EIF4E1B: variants seen among roughly 807,000 people sequenced by gnomAD.
The protein encoded by EIF4E1B is eukaryotic translation initiation factor 4E type 1B.
A neutral mutation model predicts 31.3 loss-of-function variants in EIF4E1B; 22 were observed. The observed-to-expected ratio is 0.70, with a 90% CI of 0.50 to 1.00. EIF4E1B has a LOEUF of 1.00. EIF4E1B is among the 50% of genes least tolerant of loss of function. The pLI is 0.00. For synonymous variants in EIF4E1B, 126 were observed against 120.2 expected, an observed-to-expected ratio of 1.05 and a Z score of -0.31; for missense variants, 290 against 311.6, an observed-to-expected ratio of 0.93 and a Z score of 0.52.
chr5:176,644,234 A>G (rs1310164578), intron 5 of EIF4E1B, 142 bp from the exon 6 acceptor site: 13 of 793,426 alleles, frequency 1.6e-5, no homozygotes, highest in Non-Finnish European at 2.6e-5. Flanking sequence ...GATAAACGGG[A>G]GTGGAATCCC....
intron 1 of EIF4E1B, among the ~76,000 whole-genome samples, chr5:176,637,568 C>T (rs1382326918): frequency 6.6e-6 from 1 of 152,118 alleles, no homozygotes; most frequent in East Asian, 1.9e-4. Context: ...GGAATTGCTG[C>T]ACTGGGCTGA....
chr5:176,635,398 A>G (rs1280674127), intron 1 of EIF4E1B, among the ~76,000 whole-genome samples: 1 of 152,154 alleles, frequency 6.6e-6, no homozygotes, highest in Non-Finnish European at 1.5e-5. Flanking sequence ...CTCCAGGAGA[A>G]AGTGACATTC....
At chr5:176,634,323 C>T (rs1057285108) in intron 1 of EIF4E1B, among the ~76,000 whole-genome samples, 1 of 152,080 alleles carries the variant, frequency 6.6e-6, no homozygotes, top group Non-Finnish European at 1.5e-5. Context: ...GCACAAATGG[C>T]TCTCCAAGGT....
intron 1 of EIF4E1B, among the ~76,000 whole-genome samples, chr5:176,633,551 C>T (rs928685960): frequency 2.0e-5 from 3 of 152,094 alleles, no homozygotes; most frequent in Admixed American, 2.0e-4. Flanking sequence ...CTCAAATGAT[C>T]CTCCCACCTC....
chr5:176,644,593 A>T, intron 6 of EIF4E1B, 154 bp downstream of exon 6: 1 of 870,564 alleles, frequency 1.1e-6, no homozygotes, highest in Non-Finnish European at 1.7e-6. Flanking sequence ...AATGCTCTAC[A>T]GGAGCCCGGA....
intron 1 of EIF4E1B, among the ~76,000 whole-genome samples, chr5:176,639,948 C>T (rs1257767244): frequency 1.3e-5 from 2 of 152,234 alleles, no homozygotes; most frequent in East Asian, 1.9e-4. Flanking sequence ...AATCTAGATT[C>T]GTGAGCTCTT....
Position 176,645,264 on chromosome 5 carries a change from C to T in EIF4E1B, c.474+21C>T, listed in dbSNP as rs769051803. 1.2e-5 allele frequency: 20 copies of T among 1,604,498 alleles called. No homozygotes were observed. In the African/African-American group the frequency reaches 2.3e-4, roughly 18 times the overall value. On this transcript the variant is annotated intron_variant, in intron 7 of 8. Transcript: ENST00000318682. This position sits in a 1 kb window ranked among gnomAD's most constrained non-coding sequence, Gnocchi z 5.4. ...AGACGGTGAGTTGGAGGAGGAGGGT[C>T]CTCAGGGGAAGAGACGGGCTGTGTG... is the stretch of plus-strand genomic sequence containing the variant.
intron 1 of EIF4E1B, among the ~76,000 whole-genome samples, chr5:176,637,681 G>A (rs761902771): frequency 6.6e-6 from 1 of 152,102 alleles, no homozygotes; most frequent in Non-Finnish European, 1.5e-5. Context: ...GGAGGTGGCT[G>A]GCACATCTGA....
rs777820315 is a variant in EIF4E1B at position 176,643,194 on chromosome 5, T to C, written c.128T>C (p.Leu43Pro). Residue 43 changes from leucine to proline, a missense_variant, in exon 4 of 9, where the codon CTG becomes CCG. Transcript: ENST00000318682. ...TCTCCAAACTCTCCCAGGACTTTGCTGTCTCTGAGAGGGAAGGCCCGGACG... is the reference window on the plus strand; with the variant it reads ...TCTCCAAACTCTCCCAGGACTTTGCCGTCTCTGAGAGGGAAGGCCCGGACG... ...EKSPNSPRTL[L>P]SLRGKARTGG... 6.2e-7 allele frequency: 1 copy of C among 1,613,714 alleles called. No homozygotes were observed. The highest frequency in any genetic ancestry group is 1.7e-5 in the Admixed American group (1 of 60,030).
chr5:176,631,649 C>CA (rs202095726), intron 1 of EIF4E1B, among the ~76,000 whole-genome samples: 16,250 of 99,518 alleles, frequency 0.16, 1,338 homozygotes, highest in East Asian at 0.48. Flanking sequence ...AGCCAGACTG[C>CA]AAAAAAAAAA....
At position 176,645,952 on chromosome 5, in the gene EIF4E1B, C is replaced by T; in HGVS notation, c.701C>T (p.Ser234Phe). ...GCAGACACAGCCACCAAGAGCAACT[C>T]CCTAGCCAAGAACAAGTTTGTGGTG... is the stretch of plus-strand genomic sequence containing the variant. Reference protein sequence around the residue: ...AHADTATKSNSLAKNKFVV With the variant: ...AHADTATKSNFLAKNKFVV The change falls in exon 9 of 9, where the codon TCC (serine) becomes TTC (phenylalanine). Residue 234 changes from serine to phenylalanine, a missense_variant. Ser to Phe is a radical substitution (Grantham distance 155, BLOSUM62 -2). Transcript: ENST00000318682. The surrounding 1 kb of genome is among the most constrained non-coding windows in gnomAD (Gnocchi z 5.4). 6.2e-7 allele frequency: 1 copy of T among 1,609,650 alleles called. No individual in the cohort carries two copies.
At chr5:176,642,488 T>TA (rs1760595579) in intron 2 of EIF4E1B, among the ~76,000 whole-genome samples, 1 of 152,118 alleles carries the variant, frequency 6.6e-6, no homozygotes, top group Admixed American at 6.5e-5. Context: ...ATATTTTATT[T>TA]AAAAACAAAC....
Position 176,645,739 on chromosome 5 carries a change from C to A in EIF4E1B, c.615-127C>A. The stretch of plus-strand genomic sequence containing the variant: ...AAGGGGGTCATATTTTGGGTTTCCA[C>A]ATGGGTAAGACACAACAGGTGTGGC... On this transcript the variant is annotated intron_variant, in intron 8 of 8. Transcript: ENST00000318682. This position sits in a 1 kb window ranked among gnomAD's most constrained non-coding sequence, Gnocchi z 5.4. The A allele has an allele frequency of 8.9e-7, 1 of 1,118,004 alleles. No homozygotes were observed. The highest frequency in any genetic ancestry group is 1.2e-6 in the Non-Finnish European group (1 of 801,544). The allele number at this position is 1,118,004 out of a possible 1,614,324, so 69.3% of individuals were successfully genotyped here.
rs1760701637 is a variant in EIF4E1B at position 176,646,035 on chromosome 5, A to G, written c.*55A>G. ...GGGACAGCCGCCACTGAGCCTCATT[A>G]CTTTGGGGGATGGGGCGGGACTGGG... On this transcript the variant is annotated 3_prime_UTR_variant, in exon 9 of 9. Coordinates refer to ENST00000318682, the MANE Select transcript of EIF4E1B (RefSeq NM_001099408.2). The G allele has an allele frequency of 2.7e-6, 4 of 1,468,698 alleles. No homozygotes were observed. The East Asian group carries it at 9.8e-5, about 36-fold the overall frequency. The allele number at this position is 1,468,698 out of a possible 1,614,324, so 91.0% of individuals were successfully genotyped here.
chr5:176,644,468 G>C, intron 6 of EIF4E1B, 29 bp downstream of exon 6: 1 of 1,576,076 alleles, frequency 6.3e-7, no homozygotes, highest in South Asian at 1.2e-5. Context: ...TTTCCCTCCC[G>C]CAAAGGGACA....
At chr5:176,635,427 T>C (rs4868671) in intron 1 of EIF4E1B, among the ~76,000 whole-genome samples, 64,766 of 151,882 alleles carry the variant, frequency 0.43, 14,711 homozygotes, top group Non-Finnish European at 0.49. Context: ...TTTTGAAAGA[T>C]GAGAAGGACC....
In EIF4E1B at chr5:176,643,122, A is replaced by C. The variant is rs774936946; in HGVS notation, c.56A>C (p.Glu19Ala). The C allele has an allele frequency of 3.7e-6, 6 of 1,613,534 alleles. No individual in the cohort carries two copies. The Admixed American group carries it at 6.7e-5, about 18-fold the overall frequency. The change falls in exon 4 of 9, where the codon GAG becomes GCG. Residue 19 changes from glutamate to alanine, a missense_variant. By Grantham distance (107) the Glu-to-Ala change is moderately radical (BLOSUM62 -1). Transcript: ENST00000318682. Reference protein sequence around the residue: ...AEGGIREWEEEEKEEEAAERT... With the variant: ...AEGGIREWEEAEKEEEAAERT... ...GGTGGAATCCGAGAGTGGGAGGAGG[A>C]GGAGAAGGAGGAGGAGGCAGCAGAG...
Position 176,646,254 on chromosome 5 carries a change from A to G in EIF4E1B, c.*274A>G, listed in dbSNP as rs901606369. 1.8e-5 allele frequency: 7 copies of G among 397,938 alleles called. No homozygotes were observed. The South Asian group carries it at 2.8e-4, about 16-fold the overall frequency. The allele number at this position is 397,938 out of a possible 1,614,324, so 24.7% of individuals were successfully genotyped here. On this transcript the variant is annotated 3_prime_UTR_variant, in exon 9 of 9. Transcript: ENST00000318682. ...AGGGTGGGGTGAGTCATGGCGGGGA[A>G]GGAGGGCTCTATGGTAGGCGGAGAA...
rs372910747 is a variant in EIF4E1B at position 176,644,542 on chromosome 5, C to T, written c.360+103C>T. 210 of 1,218,344 alleles carry T rather than the reference C, an allele frequency of 1.7e-4. 1 individual carries two copies. The highest frequency in any genetic ancestry group is 5.8e-4 in the Middle Eastern group (3 of 5,212). The allele number at this position is 1,218,344 out of a possible 1,614,324, so 75.5% of individuals were successfully genotyped here. ...TCAGAGGGGTGGGGGTGGGGAGCTA[C>T]GGGCCACCTCTCAGCAGAGTTGTGG... On this transcript the variant is annotated intron_variant, in intron 6 of 8. Transcript: ENST00000318682.
Sources: allele counts gnomAD v4.1 joint callset (sites outside exome capture counted in the v4.1 genomes callset), GRCh38; gene constraint gnomAD v4.1.1; non-coding constraint Gnocchi (gnomAD v3.1); transcripts MANE v1.5; gene names NCBI Gene and HGNC (gene_info 2026-07-23, HGNC 2026-07-21).